DISP1: variants seen among roughly 807,000 people sequenced by gnomAD.
DISP1 encodes the protein dispatched RND transporter family member 1.
DISP1 carries 30 observed loss-of-function variants against 37.3 expected under a neutral mutation model. The observed-to-expected ratio is 0.80, with a 90% CI of 0.60 to 1.09. The LOEUF (loss-of-function observed/expected upper bound fraction) is 1.09, where lower values mean the gene tolerates loss of function less well. DISP1 is among the 50% of genes least tolerant of loss of function. The pLI is 0.00. For missense variants in DISP1, 1,598 were observed against 1,879.5 expected (o/e 0.85, Z 2.77); for synonymous variants, 634 against 690.2 (o/e 0.92, Z 1.28).
At chr1:222,988,039 T>C (rs540465289) in intron 4 of DISP1, among the ~76,000 whole-genome samples, 1 of 152,328 alleles carries the variant, frequency 6.6e-6, no homozygotes, top group African/African-American at 2.4e-5. Context: ...GTCCTAGAAG[T>C]GTGAAAGCTT....
At chr1:222,861,898 A>C (rs1365012174) in intron 1 of DISP1, among the ~76,000 whole-genome samples, 1 of 151,972 alleles carries the variant, frequency 6.6e-6, no homozygotes, top group African/African-American at 2.4e-5. Flanking sequence ...CTTCTCGTAC[A>C]GTGGGGAAAA....
chr1:222,914,488 C>T (rs924299788), intron 1 of DISP1, among the ~76,000 whole-genome samples: 5 of 152,182 alleles, frequency 3.3e-5, no homozygotes, highest in Admixed American at 6.5e-5. Flanking sequence ...TTGCCTCCCT[C>T]TTTCTTTCAC....
intron 8 of DISP1, 89 bp downstream of exon 8, chr1:222,995,071 G>A: frequency 9.2e-7 from 1 of 1,084,128 alleles, no homozygotes; most frequent in Non-Finnish European, 1.4e-6. Flanking sequence ...TTTCTGATCA[G>A]ATGAAAGTAC....
At chr1:222,884,019 TA>T (rs1670432731) in intron 1 of DISP1, among the ~76,000 whole-genome samples, 1 of 152,176 alleles carries the variant, frequency 6.6e-6, no homozygotes, top group African/African-American at 2.4e-5. Flanking sequence ...GCCTGTCCTA[TA>T]ATTGACTCTC....
At chr1:222,836,760 TATAC>T (rs1382331212) in intron 1 of DISP1, among the ~76,000 whole-genome samples, 2 of 148,228 alleles carry the variant, frequency 1.3e-5, no homozygotes, top group African/African-American at 2.5e-5. Flanking sequence ...TATATATATA[TATAC>T]ACACACACAC....
intron 5 of DISP1, 93 bp downstream of exon 5, chr1:222,990,841 T>C (rs1558073751): frequency 7.8e-6 from 12 of 1,529,994 alleles, no homozygotes; most frequent in Admixed American, 5.0e-5. Flanking sequence ...GTAACCCATT[T>C]CTTTAAAAAC....
At position 222,916,236 on chromosome 1, in the gene DISP1, G is replaced by C. The variant is rs189895094; in HGVS notation, c.-158-12194G>C. ...AGTCTTTTGGGTGTGCCCCAACATA[G>C]TAGCATACTTTATGGCAAATATATG... is the stretch of plus-strand genomic sequence containing the variant. On this transcript the variant is annotated intron_variant, in intron 1 of 8. Coordinates refer to ENST00000675850, the MANE Select transcript of DISP1 (RefSeq NM_001377229.1). Among the ~76,000 whole-genome samples, 12 of 152,294 alleles carry C rather than the reference G, an allele frequency of 7.9e-5. No individual in the cohort carries two copies. The East Asian group carries it at 1.4e-3, about 17-fold the overall frequency.
At chr1:222,984,435 T>TATAGAGAG (rs67660273) in intron 4 of DISP1, among the ~76,000 whole-genome samples, 1,284 of 108,328 alleles carry the variant, frequency 0.012, 39 homozygotes, top group South Asian at 0.02. Flanking sequence ...TATATATATA[T>TATAGAGAG]AGAGAGAGAG....
chr1:222,832,615 C>T (rs1372321166), intron 1 of DISP1, among the ~76,000 whole-genome samples: 1 of 152,162 alleles, frequency 6.6e-6, no homozygotes, highest in East Asian at 1.9e-4. Context: ...AAAATGAAGG[C>T]CCGGCATGGT....
intron 5 of DISP1, 54 bp downstream of exon 5, chr1:222,990,802 T>A (rs1678648749): frequency 6.2e-7 from 1 of 1,604,260 alleles, no homozygotes; most frequent in Non-Finnish European, 8.5e-7. Flanking sequence ...ATATTGTGTA[T>A]TTTAATACAT....
At position 222,859,302 on chromosome 1, in the gene DISP1, A is replaced by G. The variant is rs533870766; in HGVS notation, c.-159+44224A>G. 1.5e-4 allele frequency among the ~76,000 whole-genome samples: 23 copies of G among 152,306 alleles called. No individual in the cohort carries two copies. The South Asian group carries it at 2.1e-3, about 14-fold the overall frequency. ...ACAATGAGAACACACAGACAAAGGGAGGGGAACAGCACACATTGGGGCCTG... is the reference window on the plus strand; with the variant it reads ...ACAATGAGAACACACAGACAAAGGGGGGGGAACAGCACACATTGGGGCCTG... On this transcript the variant is annotated intron_variant, in intron 1 of 8. Coordinates refer to ENST00000675850, the MANE Select transcript of DISP1 (RefSeq NM_001377229.1).
chr1:222,828,320 A>G (rs534004292), intron 1 of DISP1, among the ~76,000 whole-genome samples: 2 of 151,698 alleles, frequency 1.3e-5, no homozygotes, highest in South Asian at 4.2e-4. Context: ...TTTCTGTTCT[A>G]TTTCTTTTTT....
chr1:222,959,069 A>G (rs1001821719), intron 3 of DISP1, among the ~76,000 whole-genome samples: 14 of 152,142 alleles, frequency 9.2e-5, no homozygotes, highest in African/African-American at 3.4e-4. Context: ...TTACCTTTCT[A>G]AGAATTTTAA....
chr1:222,871,846 G>A (rs1230125013), intron 1 of DISP1, among the ~76,000 whole-genome samples: 1 of 152,196 alleles, frequency 6.6e-6, no homozygotes, highest in Non-Finnish European at 1.5e-5. Flanking sequence ...TGGTGAGAGA[G>A]GGCATCCCTG....
intron 8 of DISP1, among the ~76,000 whole-genome samples, chr1:222,997,516 T>G (rs1679159175): frequency 6.6e-6 from 1 of 152,132 alleles, no homozygotes; most frequent in Non-Finnish European, 1.5e-5. Context: ...TTGCAAAACA[T>G]AGGTAGGCTG....
chr1:222,978,947 G>A (rs1027442685), intron 3 of DISP1, among the ~76,000 whole-genome samples: 5 of 152,086 alleles, frequency 3.3e-5, no homozygotes, highest in African/African-American at 7.2e-5. Flanking sequence ...TTTGAAGTCC[G>A]GTAGCATGAT....
intron 3 of DISP1, among the ~76,000 whole-genome samples, chr1:222,980,294 G>A (rs1359095943): frequency 6.6e-6 from 1 of 152,178 alleles, no homozygotes; most frequent in Non-Finnish European, 1.5e-5. Context: ...GGTTCCTGCA[G>A]CATTGAACAG....
At chr1:222,895,183 T>C (rs1002768071) in intron 1 of DISP1, among the ~76,000 whole-genome samples, 1 of 152,108 alleles carries the variant, frequency 6.6e-6, no homozygotes, top group East Asian at 1.9e-4. Context: ...ATACCAGAGG[T>C]AGGTTGTTAT....
chr1:222,877,965 G>C (rs1670058216), intron 1 of DISP1, among the ~76,000 whole-genome samples: 1 of 152,192 alleles, frequency 6.6e-6, no homozygotes, highest in Non-Finnish European at 1.5e-5. Context: ...AGTTCCAGTG[G>C]GAGAGTGGTG....
Sources: allele counts gnomAD v4.1 joint callset (sites outside exome capture counted in the v4.1 genomes callset), GRCh38; gene constraint gnomAD v4.1.1; transcripts MANE v1.5; gene names NCBI Gene and HGNC (gene_info 2026-07-23, HGNC 2026-07-21).